Variants in HACE1 observed in about 807,000 individuals in gnomAD.
HACE1 encodes E3 ubiquitin-protein ligase HACE1.
A neutral mutation model predicts 118.4 loss-of-function variants in HACE1; 73 were observed. The observed-to-expected ratio is 0.62, with a 90% CI of 0.51 to 0.75. The LOEUF (loss-of-function observed/expected upper bound fraction) is 0.75. Among genes scored for constraint, HACE1 ranks in the 30% least tolerant of loss-of-function variants. HACE1 has a pLI of 0.00. For missense variants in HACE1, 749 were observed against 1,102.2 expected (o/e 0.68, Z 4.54); for synonymous variants, 368 against 374.8 (o/e 0.98, Z 0.21).
chr6:104,750,561 G>A (rs577314120), intron 19 of HACE1, 89 bp from the exon 20 acceptor site: 2 of 1,238,088 alleles, frequency 1.6e-6, no homozygotes, highest in African/African-American at 1.5e-5. Context: ...AAGAGGTAAA[G>A]GTTTAAAATA....
At position 104,772,030 on chromosome 6, in the gene HACE1, G is replaced by T; in HGVS notation, c.1909C>A (p.His637Asn). Residue 637 changes from histidine (H) to asparagine (N), a missense_variant, in exon 18 of 24, where the codon CAC becomes AAC. His to Asn is a moderately conservative substitution (Grantham distance 68, BLOSUM62 1). This residue lies in a region of HACE1 where 195 missense variants were observed against 322.1 expected (regional missense o/e 0.61). Coordinates refer to ENST00000262903, the MANE Select transcript of HACE1 (RefSeq NM_020771.4). ...PNSNSYVNPD[H>N]LNYFRFAGQI... ...CCAGCAAACCGAAAATAGTTCAAGT[G>T]ATCAGGATTTACATAAGAGTTGCTA... is the stretch of plus-strand genomic sequence containing the variant. 6.2e-7 allele frequency: 1 copy of T among 1,607,494 alleles called. No homozygotes were observed. The highest frequency in any genetic ancestry group is 8.5e-7 in the Non-Finnish European group (1 of 1,174,196).
In HACE1 at chr6:104,777,195, G is replaced by C; in HGVS notation, c.1678+11C>G. The stretch of plus-strand genomic sequence containing the variant: ...GCTTCACACATATATCAGTTTCTTT[G>C]TTAAGCATACCTCTGTGAACCAGCA... On this transcript the variant is annotated intron_variant, in intron 15 of 23. Transcript: ENST00000262903. The C allele has an allele frequency of 6.3e-7, 1 of 1,593,082 alleles. No individual in the cohort carries two copies.
intron 5 of HACE1, among the ~76,000 whole-genome samples, chr6:104,836,296 G>C (rs980821625): frequency 6.6e-6 from 1 of 152,170 alleles, no homozygotes; most frequent in African/African-American, 2.4e-5. Flanking sequence ...TACATATTAA[G>C]AGGATATTTA....
chr6:104,824,157 T>C (rs1342022705), intron 6 of HACE1, among the ~76,000 whole-genome samples: 1 of 152,172 alleles, frequency 6.6e-6, no homozygotes, highest in Non-Finnish European at 1.5e-5. Context: ...CCCAAGTCTC[T>C]TACTACTCCT....
chr6:104,751,955 C>CAA (rs397935188), intron 19 of HACE1, among the ~76,000 whole-genome samples: 211 of 125,290 alleles, frequency 1.7e-3, no homozygotes, highest in East Asian at 5.5e-3. Flanking sequence ...AAAAACCAAA[C>CAA]AAAAAAAAAA....
chr6:104,779,146 A>G (rs537478434), intron 14 of HACE1, among the ~76,000 whole-genome samples: 29 of 152,312 alleles, frequency 1.9e-4, no homozygotes, highest in African/African-American at 5.8e-4. Context: ...CATGACTGAG[A>G]ATTTGCTTAG....
intron 6 of HACE1, among the ~76,000 whole-genome samples, chr6:104,826,994 G>C (rs973206805): frequency 2.6e-5 from 4 of 152,130 alleles, no homozygotes; most frequent in Non-Finnish European, 2.9e-5. Context: ...TCCTTAAGAA[G>C]AAATAACATA....
chr6:104,822,916 G>A (rs370044160), intron 6 of HACE1, among the ~76,000 whole-genome samples: 5 of 152,070 alleles, frequency 3.3e-5, no homozygotes, highest in South Asian at 2.1e-4. Context: ...ATACTGTAGC[G>A]CTTACAATAT....
At chr6:104,786,790 C>G (rs1349675270) in intron 11 of HACE1, 1 of 152,014 alleles carries the variant, frequency 6.6e-6, no homozygotes, top group Admixed American at 6.6e-5. Context: ...AAAAGTTTAT[C>G]TCACTTTTTG....
At chr6:104,848,768 C>T (rs1775900938) in intron 4 of HACE1, among the ~76,000 whole-genome samples, 1 of 151,696 alleles carries the variant, frequency 6.6e-6, no homozygotes, top group Non-Finnish European at 1.5e-5. Flanking sequence ...AAAAGATTAG[C>T]AGAAAAAAAG....
chr6:104,780,283 C>A, intron 14 of HACE1: 1 of 288,872 alleles, frequency 3.5e-6, no homozygotes, highest in East Asian at 1.1e-4. Context: ...TCAGATCAAA[C>A]ACACACACAC....
chr6:104,743,750 T>C (rs950866676), intron 22 of HACE1, among the ~76,000 whole-genome samples: 16 of 152,194 alleles, frequency 1.1e-4, no homozygotes, highest in African/African-American at 3.8e-4. Flanking sequence ...AGAAAAACTG[T>C]TGTGTATGGG....
intron 6 of HACE1, among the ~76,000 whole-genome samples, chr6:104,814,544 C>G (rs1771924155): frequency 7.2e-6 from 1 of 138,342 alleles, no homozygotes; most frequent in African/African-American, 2.9e-5. Flanking sequence ...AGCATATCCT[C>G]CTCCAAAGAA....
In HACE1 at chr6:104,833,149, G is replaced by A. The variant is rs767982277; in HGVS notation, c.427C>T (p.Arg143Trp). ...TAIHWLAVNG[R>W]TELLHDLVQH... is the part of the protein sequence containing the mutation. The stretch of plus-strand genomic sequence containing the variant: ...ACAAGGTCATGGAGTAGTTCTGTCC[G>A]CCCATTCACAGCCAGCCAATGTATC... The change falls in exon 6 of 24, where the codon CGG (arginine) becomes TGG (tryptophan). Residue 143 changes from arginine (R) to tryptophan (W), a missense_variant. Arg to Trp is a moderately radical substitution (Grantham distance 101). Around this residue, in one of 5 missense-constraint regions of HACE1, gnomAD observed 120 missense variants for 219.1 expected, o/e 0.55. Coordinates refer to ENST00000262903, the MANE Select transcript of HACE1 (RefSeq NM_020771.4). 7.4e-6 allele frequency: 12 copies of A among 1,613,476 alleles called. No individual in the cohort carries two copies. Among genetic ancestry groups the A allele is most frequent in the South Asian group, 1.1e-5 (1 of 91,072 alleles).
chr6:104,818,268 T>C (rs1395626014), intron 6 of HACE1, among the ~76,000 whole-genome samples: 6 of 152,168 alleles, frequency 3.9e-5, no homozygotes, highest in Non-Finnish European at 8.8e-5. Context: ...AGAGAAGGAC[T>C]ACGTGGGCCT....
intron 10 of HACE1, among the ~76,000 whole-genome samples, chr6:104,792,239 T>C (rs1388568428): frequency 6.6e-6 from 1 of 152,150 alleles, no homozygotes; most frequent in Admixed American, 6.6e-5. Flanking sequence ...CGGGCTGCCT[T>C]ATGACTATAC....
chr6:104,852,859 C>T (rs1776377724), intron 1 of HACE1, among the ~76,000 whole-genome samples: 1 of 151,904 alleles, frequency 6.6e-6, no homozygotes, highest in Non-Finnish European at 1.5e-5. Context: ...AATTTTAAAA[C>T]CTTAAATATA....
At chr6:104,762,526 A>G (rs1034625455) in intron 19 of HACE1, among the ~76,000 whole-genome samples, 2 of 152,070 alleles carry the variant, frequency 1.3e-5, no homozygotes, top group Non-Finnish European at 2.9e-5. Context: ...CAAGGAGGGG[A>G]ACATCACGCA....
chr6:104,835,341 C>T (rs995183859), intron 5 of HACE1, among the ~76,000 whole-genome samples: 2 of 152,016 alleles, frequency 1.3e-5, no homozygotes, highest in African/African-American at 4.8e-5. Context: ...AAAAAGGAAC[C>T]ATGAATATTC....
Sources: gnomAD v4.1 joint callset for allele counts (sites outside exome capture counted in the v4.1 genomes callset) on GRCh38, gnomAD v4.1.1 for gene constraint, gnomAD v4.1.1 regional missense constraint, MANE v1.5 for transcripts, NCBI Gene and HGNC (gene_info 2026-07-23, HGNC 2026-07-21) for gene names.